Variants in STK33 observed in about 807,000 individuals in gnomAD.
The protein encoded by STK33 is serine/threonine-protein kinase 33.
Under a neutral mutation model 58.0 loss-of-function variants are expected in STK33, and 52 were observed. The observed-to-expected ratio is 0.90, with a 90% CI of 0.72 to 1.13. The LOEUF is 1.13. Ranked by LOEUF, STK33 falls within the 50% of genes most tolerant of loss-of-function variation. The probability of loss-of-function intolerance (pLI) is 0.00; values close to 1 mark genes in which losing one functional copy is unlikely to be tolerated. For missense variants in STK33, 630 were observed against 604.2 expected (o/e 1.04, Z -0.45); for synonymous variants, 215 against 200.1 (o/e 1.07, Z -0.63).
intron 1 of STK33, among the ~76,000 whole-genome samples, chr11:8,589,131 G>C (rs529154843): frequency 6.6e-6 from 1 of 152,022 alleles, no homozygotes; most frequent in Non-Finnish European, 1.5e-5. Flanking sequence ...GTTAAACACA[G>C]AGTTACCATA....
chr11:8,446,359 T>C (rs555375979), intron 11 of STK33, among the ~76,000 whole-genome samples: 2 of 152,182 alleles, frequency 1.3e-5, no homozygotes, highest in East Asian at 1.9e-4. Context: ...TGAAGGGTTT[T>C]TCGTGTCCCT....
At position 8,457,457 on chromosome 11, in the gene STK33, A is replaced by G; in HGVS notation, c.581T>C (p.Leu194Pro). The change falls in exon 9 of 16, where the codon CTT (leucine) becomes CCT (proline). Residue 194 changes from leucine to proline, a missense_variant. Leu to Pro is a moderately conservative substitution (Grantham distance 98, BLOSUM62 -3). Coordinates refer to ENST00000687296, the MANE Select transcript of STK33 (RefSeq NM_001352389.2). ...TPKKMYLVME[L>P]CEDGELKEIL... ...TTCTTTGAGTTCTCCATCCTCACAA[A>G]GCTCCATCACAAGGTACATTTTCTG... 6.2e-7 allele frequency: 1 copy of G among 1,600,894 alleles called. No individual in the cohort carries two copies. Among genetic ancestry groups the G allele is most frequent in the South Asian group, 1.1e-5 (1 of 89,174 alleles).
chr11:8,367,651 C>G, the STK33 span, among the ~76,000 whole-genome samples: 1 of 152,216 alleles, frequency 6.6e-6, no homozygotes, highest in East Asian at 1.9e-4. Flanking sequence ...GAGTGTGCTA[C>G]ACACACTCAC....
At chr11:8,557,086 A>G (rs952898447) in intron 1 of STK33, among the ~76,000 whole-genome samples, 3 of 151,436 alleles carry the variant, frequency 2.0e-5, no homozygotes, top group Non-Finnish European at 2.9e-5. Context: ...CCTCATCTCT[A>G]TAAAAAATAA....
rs187006335 is a variant in STK33, at chr11:8,519,897, C to T, written c.-465-39283G>A. ...GTCCAGGACCAGACGGATTCACAGC[C>T]GAATTCTACCAGAGGTACAAAGAGG... On this transcript the variant is annotated intron_variant, in intron 1 of 15. Coordinates refer to ENST00000687296, the MANE Select transcript of STK33 (RefSeq NM_001352389.2). Among the ~76,000 whole-genome samples the T allele has an allele frequency of 1.4e-4, 21 of 152,244 alleles. No homozygotes were observed. The East Asian group carries it at 3.9e-3, about 28-fold the overall frequency.
rs1039324350 is a variant in STK33, at chr11:8,411,995, C to T, written c.1344+1500G>A. On this transcript the variant is annotated intron_variant, in intron 15 of 15. Transcript: ENST00000687296. ...GGAGTGGGAGGGGAAAAGTGTGACA[C>T]GGCAATGGAAAAGGGGATGGAAGAC... Among the ~76,000 whole-genome samples, 17 of 152,004 alleles carry T rather than the reference C, an allele frequency of 1.1e-4. No individual in the cohort carries two copies. The South Asian group carries it at 1.7e-3, about 15-fold the overall frequency.
At chr11:8,534,562 CTCTCTCTGTGTG>C (rs60761528) in intron 1 of STK33, among the ~76,000 whole-genome samples, 3,789 of 128,736 alleles carry the variant, frequency 0.029, 45 homozygotes, top group African/African-American at 0.053. Flanking sequence ...CTCTCTCTCT[CTCTCTCTGTGTG>C]TGTGTGTGTG....
At chr11:8,569,289 A>G (rs1345524510) in intron 1 of STK33, among the ~76,000 whole-genome samples, 2 of 152,246 alleles carry the variant, frequency 1.3e-5, no homozygotes, top group African/African-American at 4.8e-5. Context: ...TGGTATTGGT[A>G]TAAGAATAGA....
At position 8,537,633 on chromosome 11, in the gene STK33, G is replaced by A. The variant is rs147335145; in HGVS notation, c.-466+56450C>T. The stretch of plus-strand genomic sequence containing the variant: ...AGATTAAAATGGACATGTGCCAAGC[G>A]CTGTGGCTCATGCCTGTAATCCCAG... On this transcript the variant is annotated intron_variant, in intron 1 of 15. Transcript: ENST00000687296. 5.0e-3 allele frequency among the ~76,000 whole-genome samples: 763 copies of A among 151,824 alleles called. 6 individuals carry two copies. Among genetic ancestry groups the A allele is most frequent in the Middle Eastern group, 0.041 (12 of 292 alleles).
At chr11:8,391,252 G>T (rs891699586), downstream of STK33, among the ~76,000 whole-genome samples, 1 of 152,222 alleles carries the variant, frequency 6.6e-6, no homozygotes, top group African/African-American at 2.4e-5. Flanking sequence ...AAGGGAGAAA[G>T]ATCTTGAAGC....
intron 1 of STK33, among the ~76,000 whole-genome samples, chr11:8,588,127 A>C (rs2032014156): frequency 6.6e-6 from 1 of 152,178 alleles, no homozygotes; most frequent in East Asian, 1.9e-4. Flanking sequence ...GGTCACTAAC[A>C]GCATTCATGA....
chr11:8,343,580 T>G, the STK33 span, among the ~76,000 whole-genome samples: 2 of 152,120 alleles, frequency 1.3e-5, no homozygotes, highest in African/African-American at 4.8e-5. Context: ...GGGGACTGGG[T>G]GCCCGCAAGG....
At chr11:8,473,757 G>C (rs1240783023) in intron 5 of STK33, among the ~76,000 whole-genome samples, 1 of 152,154 alleles carries the variant, frequency 6.6e-6, no homozygotes, top group East Asian at 1.9e-4. Context: ...TAACAGTCAA[G>C]GGAGAACATA....
chr11:8,538,303 A>ACAATT (rs1955220481), intron 1 of STK33, among the ~76,000 whole-genome samples: 1 of 152,222 alleles, frequency 6.6e-6, no homozygotes, highest in Non-Finnish European at 1.5e-5. Flanking sequence ...AACTCTATGA[A>ACAATT]GTAGGCACTA....
intron 11 of STK33, among the ~76,000 whole-genome samples, chr11:8,450,647 T>A (rs968139091): frequency 1.3e-5 from 2 of 151,972 alleles, no homozygotes; most frequent in Non-Finnish European, 2.9e-5. Context: ...GTTAAAAAAA[T>A]TATTTTTTAA....
rs573593732 is a variant in STK33 at position 8,510,442 on chromosome 11, T to C, written c.-465-29828A>G. 1.4e-3 allele frequency among the ~76,000 whole-genome samples: 216 copies of C among 152,354 alleles called. 5 individuals carry two copies. In the South Asian group the frequency reaches 0.026, roughly 18 times the overall value. ...GTAGTTGGAGAATATTTTCTCCCACTCTGTGGGTTGTCTGTTTACTCTGTT... is the reference window on the plus strand; with the variant it reads ...GTAGTTGGAGAATATTTTCTCCCACCCTGTGGGTTGTCTGTTTACTCTGTT... On this transcript the variant is annotated intron_variant, in intron 1 of 15. Coordinates refer to ENST00000687296, the MANE Select transcript of STK33 (RefSeq NM_001352389.2).
chr11:8,398,526 A>G (rs961174465), intron 15 of STK33, among the ~76,000 whole-genome samples: 21 of 152,262 alleles, frequency 1.4e-4, no homozygotes, highest in African/African-American at 4.8e-4. Context: ...TGTAAAGACC[A>G]TCAAGGCTAG....
chr11:8,483,523 G>T (rs2138316067), intron 1 of STK33, among the ~76,000 whole-genome samples: 1 of 152,258 alleles, frequency 6.6e-6, no homozygotes, highest in South Asian at 2.1e-4. Flanking sequence ...TCTTAGGTGG[G>T]CACTTCCAAA....
intron 1 of STK33, among the ~76,000 whole-genome samples, chr11:8,577,915 C>T (rs1396323517): frequency 6.6e-6 from 1 of 152,040 alleles, no homozygotes; most frequent in East Asian, 1.9e-4. Context: ...ATACCATAAC[C>T]CTAATAAAGG....
Sources: gnomAD v4.1 joint callset for allele counts (sites outside exome capture counted in the v4.1 genomes callset) on GRCh38, gnomAD v4.1.1 for gene constraint, MANE v1.5 for transcripts, NCBI Gene and HGNC (gene_info 2026-07-23, HGNC 2026-07-21) for gene names.